Variants in CES5A observed in about 807,000 individuals in gnomAD.
The protein encoded by CES5A is carboxylesterase 5A, also known as carboxylesterase 5.
Under a neutral mutation model 62.9 loss-of-function variants are expected in CES5A, and 67 were observed. That is an observed-to-expected ratio of 1.07 (90% CI 0.88 to 1.31). The LOEUF (loss-of-function observed/expected upper bound fraction) is 1.31, where lower values mean the gene tolerates loss of function less well. Ranked by LOEUF, CES5A falls within the 50% of genes most tolerant of loss-of-function variation. The pLI is 0.00. For missense variants in CES5A, 748 were observed against 708.5 expected, an observed-to-expected ratio of 1.06 and a Z score of -0.63; for synonymous variants, 296 against 280.8, an observed-to-expected ratio of 1.05 and a Z score of -0.54.
chr16:55,920,190 G>T (rs151288442), intron 1 of CES5A, among the ~76,000 whole-genome samples: 1 of 152,214 alleles, frequency 6.6e-6, no homozygotes, highest in Non-Finnish European at 1.5e-5. Flanking sequence ...TCACATCCAC[G>T]ATGCCCCTCC....
At chr16:55,880,813 A>G (rs1028963096) in intron 1 of CES5A, among the ~76,000 whole-genome samples, 1 of 152,220 alleles carries the variant, frequency 6.6e-6, no homozygotes, top group African/African-American at 2.4e-5. Context: ...GTCTCTGTTA[A>G]TCAGCTATCA....
intron 4 of CES5A, among the ~76,000 whole-genome samples, chr16:55,868,177 A>T (rs1451094041): frequency 6.6e-6 from 1 of 152,230 alleles, no homozygotes; most frequent in East Asian, 1.9e-4. Flanking sequence ...ACCAGATACG[A>T]TAAGCAATTA....
chr16:55,954,421 G>A lies in CES5A; in HGVS notation c.42+1423C>T, dbSNP rs137895642. Among the ~76,000 whole-genome samples the A allele has an allele frequency of 1.8e-3, 279 of 152,358 alleles. 2 individuals carry two copies. The highest frequency in any genetic ancestry group is 6.3e-3 in the African/African-American group (263 of 41,586). ...AAGCTTCTCATAGTCGGTCCTGACC[G>A]AGGTGAAGCTCAGGAGCGGGAGAGG... On this transcript the variant is annotated intron_variant, in intron 1 of 13. Transcript: ENST00000521992.
chr16:55,876,419 G>A (rs1015942331), upstream of CES5A, among the ~76,000 whole-genome samples: 8 of 152,202 alleles, frequency 5.3e-5, no homozygotes, highest in Admixed American at 2.6e-4. Flanking sequence ...CAACGAAAGG[G>A]TGGTGTATGG....
chr16:55,849,909 T>A, intron 10 of CES5A, 136 bp from the exon 11 acceptor site: 1 of 877,924 alleles, frequency 1.1e-6, no homozygotes, highest in South Asian at 1.9e-5. Flanking sequence ...TCCCCCTTCC[T>A]CATTTGAGGC....
At chr16:55,899,210 G>C (rs538320151) in intron 1 of CES5A, among the ~76,000 whole-genome samples, 1 of 152,152 alleles carries the variant, frequency 6.6e-6, no homozygotes, top group East Asian at 1.9e-4. Flanking sequence ...CAGAGGAATG[G>C]GGAGAGCAGC....
intron 2 of CES5A, among the ~76,000 whole-genome samples, chr16:55,933,440 T>C (rs1277409731): frequency 6.6e-6 from 1 of 152,134 alleles, no homozygotes; most frequent in Non-Finnish European, 1.5e-5. Flanking sequence ...AATTCCCAGA[T>C]TTCCCTCATT....
chr16:55,855,289 T>A (rs1430682830), intron 9 of CES5A, among the ~76,000 whole-genome samples: 2 of 152,126 alleles, frequency 1.3e-5, no homozygotes, highest in African/African-American at 2.4e-5. Context: ...CCATACTGAA[T>A]AAACGTTTAT....
chr16:55,904,911 A>C (rs1179539037), intron 1 of CES5A, among the ~76,000 whole-genome samples: 1 of 152,112 alleles, frequency 6.6e-6, no homozygotes, highest in Non-Finnish European at 1.5e-5. Flanking sequence ...CAGAGTGTCA[A>C]CTTCTCTTGT....
At chr16:55,951,123 A>AAAAAAAAAAAAAAAAAAAAAAAAC (rs2034553228) in intron 1 of CES5A, among the ~76,000 whole-genome samples, 1 of 149,760 alleles carries the variant, frequency 6.7e-6, no homozygotes, top group African/African-American at 2.4e-5. Flanking sequence ...AAAAAAAAAA[A>AAAAAAAAAAAAAAAAAAAAAAAAC]AAAAAAAGAC....
At chr16:55,849,590 T>TAAG (rs775484872) in intron 11 of CES5A, 34 bp downstream of exon 11, 13 of 1,608,868 alleles carry the variant, frequency 8.1e-6, no homozygotes, top group Non-Finnish European at 1.1e-5. Context: ...GCAAGGGGCT[T>TAAG]CATGTGAACT....
rs2033625753 is a variant in CES5A, at chr16:55,873,084, A to G, written c.278+749T>C. 2.6e-5 allele frequency among the ~76,000 whole-genome samples: 4 copies of G among 152,210 alleles called. No individual in the cohort carries two copies. The South Asian group carries it at 8.3e-4, about 32-fold the overall frequency. On this transcript the variant is annotated intron_variant, in intron 2 of 12. Coordinates refer to ENST00000290567, the MANE Select transcript of CES5A (RefSeq NM_001143685.2). ...TCCTGGCACCAGAATTTCTTCTGCCAGGAACCCATGTGGCCCAACCTGAGA... is the reference window on the plus strand; with the variant it reads ...TCCTGGCACCAGAATTTCTTCTGCCGGGAACCCATGTGGCCCAACCTGAGA...
intron 1 of CES5A, 49 bp from the exon 2 acceptor site, chr16:55,874,086 G>A (rs117873330): frequency 7.3e-6 from 11 of 1,512,718 alleles, no homozygotes; most frequent in African/African-American, 1.4e-5. Context: ...GACAGGCAGG[G>A]CAATGGCCCA....
At chr16:55,848,235 G>T (rs2033055279) in intron 11 of CES5A, among the ~76,000 whole-genome samples, 1 of 152,100 alleles carries the variant, frequency 6.6e-6, no homozygotes, top group South Asian at 2.1e-4. Flanking sequence ...CTCCTGAGTA[G>T]CTGGGACTAC....
chr16:55,851,766 G>A (rs1352176293), intron 10 of CES5A, among the ~76,000 whole-genome samples: 2 of 152,172 alleles, frequency 1.3e-5, no homozygotes, highest in African/African-American at 4.8e-5. Context: ...TTGCACAATA[G>A]CTGAATGGTG....
At chr16:55,880,612 T>TC (rs1196407866) in intron 1 of CES5A, among the ~76,000 whole-genome samples, 1 of 151,984 alleles carries the variant, frequency 6.6e-6, no homozygotes, top group Non-Finnish European at 1.5e-5. Context: ...AAACTGGATC[T>TC]CCCCCCTAGT....
chr16:55,926,399 T>C (rs2142464514), upstream of CES5A, among the ~76,000 whole-genome samples: 1 of 152,338 alleles, frequency 6.6e-6, no homozygotes, highest in East Asian at 1.9e-4. Context: ...AGAAGCTGCA[T>C]CAAGTTCAAG....
chr16:55,919,089 C>A (rs1325131780), intron 1 of CES5A, among the ~76,000 whole-genome samples: 1 of 152,192 alleles, frequency 6.6e-6, no homozygotes, highest in African/African-American at 2.4e-5. Context: ...GGCTGAGACC[C>A]AACTCTCAGC....
chr16:55,900,090 A>ACC (rs112236550), intron 1 of CES5A, among the ~76,000 whole-genome samples: 2 of 151,456 alleles, frequency 1.3e-5, no homozygotes, highest in Non-Finnish European at 1.5e-5. Flanking sequence ...CTGAATGCAG[A>ACC]CCCCCCTTCA....
Sources: allele counts gnomAD v4.1 joint callset (sites outside exome capture counted in the v4.1 genomes callset), GRCh38; gene constraint gnomAD v4.1.1; transcripts MANE v1.5; gene names NCBI Gene and HGNC (gene_info 2026-07-23, HGNC 2026-07-21).